The following DHRS9 variants were observed in gnomAD, a reference collection of about 807,000 sequenced individuals.
DHRS9 encodes the protein dehydrogenase/reductase 9.
In DHRS9, 18 loss-of-function variants were observed where a neutral mutation model predicts 26.6. The ratio of observed to expected loss-of-function variants is 0.68; its 90% CI spans 0.47 to 1.00. DHRS9 has a LOEUF of 1.00. DHRS9 is among the 50% of genes least tolerant of loss of function. DHRS9 has a pLI of 0.00. For synonymous variants in DHRS9, 134 were observed against 141.1 expected, an observed-to-expected ratio of 0.95 and a Z score of 0.36; for missense variants, 425 against 378.7, an observed-to-expected ratio of 1.12 and a Z score of -1.01.
At position 169,087,345 on chromosome 2, in the gene DHRS9, ATGT is replaced by A. The variant is rs201898081; in HGVS notation, c.572+3763_572+3765del. ...GGGCTCTTCAATCAGCTTGTGGTCA[ATGT>A]TGTTAGGGTTGAGACTCTCATTTCA... On this transcript the variant is annotated intron_variant, in intron 3 of 4. Coordinates refer to ENST00000674881, the MANE Select transcript of DHRS9 (RefSeq NM_001376924.1). Among the ~76,000 whole-genome samples the A allele has an allele frequency of 2.8e-4, 43 of 152,050 alleles. No individual in the cohort carries two copies. The East Asian group carries it at 8.4e-3, about 30-fold the overall frequency.
At chr2:169,089,461 A>G (rs1456439285) in intron 3 of DHRS9, among the ~76,000 whole-genome samples, 1 of 152,212 alleles carries the variant, frequency 6.6e-6, no homozygotes, top group Non-Finnish European at 1.5e-5. Context: ...GGACTAGAGA[A>G]GCAAGCGGAA....
intron 1 of DHRS9, among the ~76,000 whole-genome samples, chr2:169,073,916 C>G (rs921587507): frequency 1.3e-5 from 2 of 152,100 alleles, no homozygotes; most frequent in African/African-American, 4.8e-5. Flanking sequence ...GATATTTTGT[C>G]CTCCAGGGGA....
At chr2:169,088,264 A>G (rs905593419) in intron 3 of DHRS9, among the ~76,000 whole-genome samples, 15 of 152,128 alleles carry the variant, frequency 9.9e-5, no homozygotes, top group African/African-American at 3.6e-4. Flanking sequence ...CCACTGTGAC[A>G]GGGCAGCACT....
intron 1 of DHRS9, chr2:169,070,278 G>A: frequency 1.0e-6 from 1 of 985,376 alleles, no homozygotes; most frequent in African/African-American, 1.7e-5. Context: ...TTTGATCCCT[G>A]GATCCAGGGG....
At chr2:169,068,232 A>C (rs1683702303), upstream of DHRS9, among the ~76,000 whole-genome samples, 1 of 152,236 alleles carries the variant, frequency 6.6e-6, no homozygotes, top group Non-Finnish European at 1.5e-5. Flanking sequence ...TTTATATTTA[A>C]GCCATACTTA....
chr2:169,083,542 A>G lies in DHRS9; in HGVS notation c.527A>G (p.Tyr176Cys). Residue 176 changes from tyrosine (Y) to cysteine (C), a missense_variant, in exon 3 of 5, where the codon TAT becomes TGT. Physicochemically the swap from Tyr to Cys is radical, Grantham distance 194. Coordinates refer to ENST00000674881, the MANE Select transcript of DHRS9 (RefSeq NM_001376924.1). ...GGRLAIVGGG[Y>C]TPSKYAVEGF... ...CGCCTTGCAATCGTTGGAGGGGGCTATACTCCATCCAAATATGCAGTGGAA... is the reference window on the plus strand; with the variant it reads ...CGCCTTGCAATCGTTGGAGGGGGCTGTACTCCATCCAAATATGCAGTGGAA... 6.2e-7 allele frequency: 1 copy of G among 1,614,110 alleles called. No individual in the cohort carries two copies. Among genetic ancestry groups the G allele is most frequent in the South Asian group, 1.1e-5 (1 of 91,086 alleles).
intron 1 of DHRS9, 70 bp from the exon 2 acceptor site, chr2:169,081,453 T>A (rs1684178101): frequency 6.9e-7 from 1 of 1,445,404 alleles, no homozygotes. Flanking sequence ...ATATCTCAAA[T>A]TCATCAGTCC....
chr2:169,074,380 G>A lies in DHRS9; in HGVS notation c.-60+4663G>A, dbSNP rs1002605816. On this transcript the variant is annotated intron_variant, in intron 1 of 4. Coordinates refer to ENST00000674881, the MANE Select transcript of DHRS9 (RefSeq NM_001376924.1). ...CTCCTAACTACTGCTCTACTGCCTCGAGCCAAGAGATTTACGCCCTATTAA... is the reference window on the plus strand; with the variant it reads ...CTCCTAACTACTGCTCTACTGCCTCAAGCCAAGAGATTTACGCCCTATTAA... 5 of 985,226 alleles carry A rather than the reference G, an allele frequency of 5.1e-6. No individual in the cohort carries two copies. In the African/African-American group the frequency reaches 5.2e-5, roughly 10 times the overall value. 61.0% of individuals were successfully genotyped at this position (985,226 alleles called of 1,614,324 possible).
upstream of DHRS9, chr2:169,067,268 G>A (rs1357571523): frequency 6.5e-7 from 1 of 1,535,328 alleles, no homozygotes; most frequent in East Asian, 2.4e-5. Flanking sequence ...GCACACTGGA[G>A]TAAGTGCTTT....
intron 3 of DHRS9, among the ~76,000 whole-genome samples, chr2:169,089,256 C>T (rs1047622916): frequency 9.2e-5 from 14 of 152,108 alleles, no homozygotes; most frequent in East Asian, 1.9e-4. Context: ...AACCTGGAGA[C>T]GCAGAGGCTG....
chr2:169,082,390 G>A (rs564900310), intron 2 of DHRS9, among the ~76,000 whole-genome samples: 1 of 152,286 alleles, frequency 6.6e-6, no homozygotes, highest in South Asian at 2.1e-4. Flanking sequence ...AGAGTAGTGA[G>A]CCTTTGGATG....
chr2:169,089,868 C>T (rs879438538), intron 3 of DHRS9, among the ~76,000 whole-genome samples: 1 of 152,082 alleles, frequency 6.6e-6, no homozygotes, highest in Non-Finnish European at 1.5e-5. Context: ...CAGGTGCTGC[C>T]CATGGTTCAG....
Position 169,069,659 on chromosome 2 carries a change from C to T in DHRS9, c.-118C>T. On this transcript the variant is annotated 5_prime_UTR_variant, in exon 1 of 5. Transcript: ENST00000674881. The stretch of plus-strand genomic sequence containing the variant: ...TCCTTCCCCGTGCACAGCAGGAAAG[C>T]TGCCATCAGCTGAGCAAGTCCACCA... 1 of 985,484 alleles carries T rather than the reference C, an allele frequency of 1.0e-6. No homozygotes were observed. Among genetic ancestry groups the T allele is most frequent in the African/African-American group, 1.7e-5 (1 of 57,372 alleles). 61.0% of individuals were successfully genotyped at this position (985,484 alleles called of 1,614,324 possible). A position where few individuals can be genotyped will look rare whatever the true frequency, so the allele number is the denominator to read the frequency against.
intron 1 of DHRS9, chr2:169,072,811 G>A (rs777292323): frequency 4.2e-6 from 1 of 236,822 alleles, no homozygotes; most frequent in Non-Finnish European, 6.9e-6. Context: ...TCTCTTTGCA[G>A]TTCTTCCTTC....
rs1439465670 is a variant in DHRS9 at position 169,069,665 on chromosome 2, T to C, written c.-112T>C. 1.0e-6 allele frequency: 1 copy of C among 985,354 alleles called. No homozygotes were observed. The highest frequency in any genetic ancestry group is 1.2e-6 in the Non-Finnish European group (1 of 829,960). 61.0% of individuals were successfully genotyped at this position (985,354 alleles called of 1,614,324 possible). Reference sequence around the variant, plus strand: ...CCCGTGCACAGCAGGAAAGCTGCCATCAGCTGAGCAAGTCCACCAACAGTT... The same window carrying C: ...CCCGTGCACAGCAGGAAAGCTGCCACCAGCTGAGCAAGTCCACCAACAGTT... On this transcript the variant is annotated 5_prime_UTR_variant, in exon 1 of 5. Coordinates refer to ENST00000674881, the MANE Select transcript of DHRS9 (RefSeq NM_001376924.1).
intron 4 of DHRS9, among the ~76,000 whole-genome samples, chr2:169,094,440 A>G (rs1684630449): frequency 6.6e-6 from 1 of 151,300 alleles, no homozygotes. Flanking sequence ...AGTCCCACTT[A>G]TCTAGTTTTG....
chr2:169,072,355 T>C (rs1423774033), intron 1 of DHRS9: 1 of 152,926 alleles, frequency 6.5e-6, no homozygotes, highest in Non-Finnish European at 1.5e-5. Context: ...TATCGCTTTC[T>C]AAAAGGAAAC....
At chr2:169,090,213 G>A (rs914612948) in intron 3 of DHRS9, among the ~76,000 whole-genome samples, 1 of 152,172 alleles carries the variant, frequency 6.6e-6, no homozygotes, top group Non-Finnish European at 1.5e-5. Flanking sequence ...TTTGAGAGAG[G>A]GTTGGGGCTC....
intron 1 of DHRS9, among the ~76,000 whole-genome samples, chr2:169,076,023 T>G (rs537054634): frequency 6.6e-6 from 1 of 152,228 alleles, no homozygotes; most frequent in South Asian, 2.1e-4. Context: ...AGTTTTAGCA[T>G]CCATTGATCA....
Sources: gnomAD v4.1 joint callset for allele counts (sites outside exome capture counted in the v4.1 genomes callset) on GRCh38, gnomAD v4.1.1 for gene constraint, MANE v1.5 for transcripts, NCBI Gene and HGNC (gene_info 2026-07-23, HGNC 2026-07-21) for gene names.